ANTXR2: variants seen among roughly 807,000 people sequenced by gnomAD.
ANTXR2 encodes anthrax toxin receptor 2.
A neutral mutation model predicts 73.7 loss-of-function variants in ANTXR2; 44 were observed. That is an observed-to-expected ratio of 0.60 (90% CI 0.47 to 0.77). The LOEUF is 0.77. ANTXR2 is among the 30% of genes least tolerant of loss of function. The pLI is 0.00. For missense variants in ANTXR2, 604 were observed against 592.5 expected (o/e 1.02, Z -0.20); for synonymous variants, 217 against 205.9 (o/e 1.05, Z -0.46).
chr4:80,047,697 G>A (rs988256362), intron 7 of ANTXR2, among the ~76,000 whole-genome samples: 1 of 151,606 alleles, frequency 6.6e-6, no homozygotes, highest in Non-Finnish European at 1.5e-5. Context: ...ACTTGCTGAG[G>A]ACCATGTAAG....
intron 16 of ANTXR2, among the ~76,000 whole-genome samples, chr4:79,948,222 C>T (rs966553544): frequency 1.3e-5 from 2 of 152,010 alleles, no homozygotes; most frequent in Non-Finnish European, 2.9e-5. Context: ...GGGAAAATAC[C>T]CCCTCAAATT....
intron 12 of ANTXR2, among the ~76,000 whole-genome samples, chr4:79,985,144 C>G (rs1275752174): frequency 6.6e-6 from 1 of 151,784 alleles, no homozygotes; most frequent in African/African-American, 2.4e-5. Context: ...GTCAGCAGAT[C>G]GAGACCATCC....
intron 12 of ANTXR2, among the ~76,000 whole-genome samples, chr4:79,986,736 C>T (rs1039446615): frequency 4.6e-5 from 7 of 152,136 alleles, no homozygotes; most frequent in African/African-American, 1.7e-4. Flanking sequence ...CTTTTGTCAA[C>T]AGCCCCCATC....
intron 11 of ANTXR2, among the ~76,000 whole-genome samples, chr4:80,018,181 G>A (rs1464920362): frequency 6.6e-6 from 1 of 151,964 alleles, no homozygotes; most frequent in Non-Finnish European, 1.5e-5. Context: ...TTTTTGCTTT[G>A]ATTTACATAT....
In ANTXR2 at chr4:79,985,299, G is replaced by A. The variant is rs111401018; in HGVS notation, c.1042-436C>T. ...CGGGAGGCAGAGCTTGCAGTGTGCCGAGATCGTGCCACCGGACTCCAGCCT... is the reference window on the plus strand; with the variant it reads ...CGGGAGGCAGAGCTTGCAGTGTGCCAAGATCGTGCCACCGGACTCCAGCCT... On this transcript the variant is annotated intron_variant, in intron 12 of 16. Coordinates refer to ENST00000403729, the MANE Select transcript of ANTXR2 (RefSeq NM_058172.6). Among the ~76,000 whole-genome samples the A allele has an allele frequency of 8.3e-3, 1,249 of 151,238 alleles. 13 individuals are homozygous for A. The highest frequency in any genetic ancestry group is 0.029 in the African/African-American group (1,182 of 41,170).
intron 10 of ANTXR2, among the ~76,000 whole-genome samples, chr4:80,026,728 A>G (rs1187284729): frequency 6.6e-6 from 1 of 152,152 alleles, no homozygotes; most frequent in Non-Finnish European, 1.5e-5. Context: ...GAACAATTCA[A>G]ATCTGTCTGT....
In ANTXR2 at chr4:79,983,279, T is replaced by A. The variant is rs775436531; in HGVS notation, c.1179+599A>T. ...TAATATATCACTTTGAAAAAATAGT[T>A]CATGGTGATAATAAAATCTTATTTG... is the stretch of plus-strand genomic sequence containing the variant. On this transcript the variant is annotated intron_variant, in intron 14 of 16. Coordinates refer to ENST00000403729, the MANE Select transcript of ANTXR2 (RefSeq NM_058172.6). Among the ~76,000 whole-genome samples the A allele has an allele frequency of 1.9e-4, 29 of 152,078 alleles. 1 individual carries two copies. The highest frequency in any genetic ancestry group is 2.2e-4 in the Non-Finnish European group (15 of 67,964).
intron 16 of ANTXR2, among the ~76,000 whole-genome samples, chr4:79,915,869 T>TAC (rs1727336163): frequency 1.3e-5 from 2 of 150,026 alleles, no homozygotes; most frequent in African/African-American, 4.9e-5. Flanking sequence ...TCTCTATATA[T>TAC]ATATATATAC....
rs1005785445 is a variant in ANTXR2, at chr4:80,055,607, A to ATT, written c.379-142_379-141dup. 26 of 720,960 alleles carry ATT rather than the reference A, an allele frequency of 3.6e-5. No individual in the cohort carries two copies. In the African/African-American group the frequency reaches 4.1e-4, roughly 11 times the overall value. The allele number at this position is 720,960 out of a possible 1,614,324, so 44.7% of individuals were successfully genotyped here. ...TAAAACAGGGTAATTTGTGTTAACT[A>ATT]TTTTATTTGAAATATGCATATATTC... is the stretch of plus-strand genomic sequence containing the variant. On this transcript the variant is annotated intron_variant, in intron 4 of 16. Transcript: ENST00000403729.
At chr4:80,050,419 T>A (rs1733719725) in intron 7 of ANTXR2, among the ~76,000 whole-genome samples, 1 of 151,592 alleles carries the variant, frequency 6.6e-6, no homozygotes, top group Non-Finnish European at 1.5e-5. Flanking sequence ...TTGGGGGTCA[T>A]CTCTCTCAGT....
At chr4:80,049,918 G>A (rs970971093) in intron 7 of ANTXR2, among the ~76,000 whole-genome samples, 1 of 151,674 alleles carries the variant, frequency 6.6e-6, no homozygotes, top group Non-Finnish European at 1.5e-5. Context: ...CTCAACAAGA[G>A]TCAAAGATTT....
intron 16 of ANTXR2, among the ~76,000 whole-genome samples, chr4:79,946,549 T>C (rs530965439): frequency 2.1e-4 from 32 of 152,140 alleles, no homozygotes; most frequent in South Asian, 6.2e-4. Flanking sequence ...AGGCAGGGGC[T>C]GTAATCTTGG....
intron 16 of ANTXR2, among the ~76,000 whole-genome samples, chr4:79,936,176 T>G (rs1358954585): frequency 6.6e-6 from 1 of 152,174 alleles, no homozygotes; most frequent in African/African-American, 2.4e-5. Context: ...CAATACCACT[T>G]TTTAAAAGGG....
chr4:79,908,340 G>A lies in ANTXR2; in HGVS notation c.1429-873C>T, dbSNP rs150590608. Among the ~76,000 whole-genome samples, 675 of 152,188 alleles carry A rather than the reference G, an allele frequency of 4.4e-3. 6 individuals carry two copies. The highest frequency in any genetic ancestry group is 0.016 in the African/African-American group (647 of 41,534). ...TTCTTACAATAGCTGCTCTCAAAGT[G>A]TTTTAGATTTTAGAGTGTCTCTTTA... On this transcript the variant is annotated intron_variant, in intron 16 of 16. Transcript: ENST00000403729.
At chr4:80,058,319 C>A (rs1283456408) in intron 3 of ANTXR2, among the ~76,000 whole-genome samples, 4 of 151,974 alleles carry the variant, frequency 2.6e-5, no homozygotes, top group Non-Finnish European at 5.9e-5. Flanking sequence ...TCTATCTGTA[C>A]CTATACCTGC....
intron 9 of ANTXR2, 21 bp downstream of exon 9, chr4:80,033,451 C>T: frequency 6.4e-7 from 1 of 1,566,004 alleles, no homozygotes. Flanking sequence ...TAAGACAACA[C>T]TGAGATTACT....
intron 14 of ANTXR2, among the ~76,000 whole-genome samples, chr4:79,982,113 A>T (rs1203754083): frequency 6.6e-6 from 1 of 152,140 alleles, no homozygotes; most frequent in Non-Finnish European, 1.5e-5. Flanking sequence ...CAAAAATCTG[A>T]CATATTCCTA....
intron 12 of ANTXR2, among the ~76,000 whole-genome samples, chr4:80,002,576 A>C (rs370139420): frequency 1.4e-4 from 22 of 152,186 alleles, no homozygotes; most frequent in East Asian, 9.7e-4. Context: ...TAATTAAACT[A>C]AAGAGCTTCT....
intron 16 of ANTXR2, among the ~76,000 whole-genome samples, chr4:79,932,289 TTTTC>T (rs1426083591): frequency 1.3e-5 from 2 of 152,270 alleles, no homozygotes; most frequent in South Asian, 2.1e-4. Context: ...GAAGATTATA[TTTTC>T]TTTCTTTTTT....
Sources: allele counts gnomAD v4.1 joint callset (sites outside exome capture counted in the v4.1 genomes callset), GRCh38; gene constraint gnomAD v4.1.1; transcripts MANE v1.5; gene names NCBI Gene and HGNC (gene_info 2026-07-23, HGNC 2026-07-21).